USP12: variants seen among roughly 807,000 people sequenced by gnomAD.
USP12 encodes the protein ubiquitin carboxyl-terminal hydrolase 12.
USP12 carries 19 observed loss-of-function variants against 45.5 expected under a neutral mutation model. The ratio of observed to expected loss-of-function variants is 0.42; its 90% CI spans 0.29 to 0.61. The LOEUF is 0.61. Ranked by LOEUF, USP12 falls within the 20% of genes least tolerant of loss-of-function variation. USP12 has a pLI of 0.22. For missense variants in USP12, 242 were observed against 447.7 expected (o/e 0.54, Z 4.15); for synonymous variants, 149 against 148.8 (o/e 1.00, Z -0.01).
At chr13:27,104,141 C>G (rs941343333) in intron 3 of USP12, among the ~76,000 whole-genome samples, 3 of 152,082 alleles carry the variant, frequency 2.0e-5, no homozygotes, top group African/African-American at 7.2e-5. Flanking sequence ...AGCGATCCTG[C>G]CACCTTAGCC....
At chr13:27,120,579 G>A (rs546615120) in intron 1 of USP12, among the ~76,000 whole-genome samples, 7 of 150,464 alleles carry the variant, frequency 4.7e-5, no homozygotes, top group Admixed American at 4.0e-4. Flanking sequence ...TCAAGATTGC[G>A]CCACTGCACT....
In USP12 at chr13:27,066,385, CCTCCCAG is replaced by C. The variant is rs1450091665; in HGVS notation, c.*2891_*2897del. On this transcript the variant is annotated 3_prime_UTR_variant, in exon 9 of 9. Coordinates refer to ENST00000282344, the MANE Select transcript of USP12 (RefSeq NM_182488.4). ...AAGAGCCAGGACATGAGCGCTTTAG[CCTCCCAG>C]CTCCCAGCCAAATACCTCATGATAG... 6.6e-6 allele frequency: 1 copy of C among 152,158 alleles called. No individual in the cohort carries two copies. Among genetic ancestry groups the C allele is most frequent in the Non-Finnish European group, 1.5e-5 (1 of 68,060 alleles). The allele number at this position is 152,158 out of a possible 1,614,324, so 9.4% of individuals were successfully genotyped here.
chr13:27,148,598 C>T (rs1331252830), intron 1 of USP12, among the ~76,000 whole-genome samples: 4 of 149,040 alleles, frequency 2.7e-5, no homozygotes, highest in African/African-American at 9.9e-5. Context: ...TGCTTGAACC[C>T]GGGAGGCGGA....
At chr13:27,132,584 G>C (rs927785116) in intron 1 of USP12, among the ~76,000 whole-genome samples, 1 of 152,196 alleles carries the variant, frequency 6.6e-6, no homozygotes, top group African/African-American at 2.4e-5. Flanking sequence ...CTTTGTGAAT[G>C]AAAGATGGTT....
chr13:27,150,420 A>G (rs1467868058), intron 1 of USP12, among the ~76,000 whole-genome samples: 1 of 152,228 alleles, frequency 6.6e-6, no homozygotes, highest in Non-Finnish European at 1.5e-5. Context: ...AAACTACAAA[A>G]TATTACTAAA....
At chr13:27,162,980 G>C (rs1878177940) in intron 1 of USP12, 1 of 151,948 alleles carries the variant, frequency 6.6e-6, no homozygotes, top group African/African-American at 2.4e-5. Flanking sequence ...TTTTCCAATA[G>C]TGGTTGTTTA....
intron 2 of USP12, among the ~76,000 whole-genome samples, chr13:27,107,050 C>T (rs550340245): frequency 5.0e-4 from 76 of 152,120 alleles, no homozygotes; most frequent in Non-Finnish European, 9.6e-4. Context: ...ACTGGCCAGA[C>T]GCAGTGGCTC....
chr13:27,103,746 A>G (rs1874991579), intron 3 of USP12, among the ~76,000 whole-genome samples: 1 of 124,552 alleles, frequency 8.0e-6, no homozygotes, highest in Non-Finnish European at 1.8e-5. Context: ...CATCTCTACC[A>G]AAAAAAAAAA....
At chr13:27,095,018 G>A (rs563214367) in intron 4 of USP12, among the ~76,000 whole-genome samples, 1 of 152,194 alleles carries the variant, frequency 6.6e-6, no homozygotes, top group Non-Finnish European at 1.5e-5. Flanking sequence ...AGCTGGGTGT[G>A]GTGGCACGTG....
At chr13:27,106,467 TG>T (rs1875143004) in intron 2 of USP12, among the ~76,000 whole-genome samples, 1 of 152,158 alleles carries the variant, frequency 6.6e-6, no homozygotes, top group Non-Finnish European at 1.5e-5. Context: ...TTCATAAATA[TG>T]TATTGCCTTC....
intron 3 of USP12, among the ~76,000 whole-genome samples, chr13:27,102,067 AGAT>A (rs1474739535): frequency 1.3e-5 from 2 of 152,192 alleles, no homozygotes; most frequent in East Asian, 1.9e-4. Flanking sequence ...GAAACAACTA[AGAT>A]GATGACAGAA....
intron 1 of USP12, among the ~76,000 whole-genome samples, chr13:27,152,418 A>T (rs755736352): frequency 1.3e-5 from 2 of 152,226 alleles, no homozygotes; most frequent in Non-Finnish European, 2.9e-5. Flanking sequence ...AGTCCAAAGC[A>T]GATAATTATA....
intron 1 of USP12, among the ~76,000 whole-genome samples, chr13:27,146,951 A>C (rs546729849): frequency 6.6e-6 from 1 of 152,224 alleles, no homozygotes; most frequent in Non-Finnish European, 1.5e-5. Flanking sequence ...GTGAAGAGAC[A>C]CAGGGAAAAG....
At chr13:27,086,191 AAAAAAAAT>A (rs1565984595) in intron 6 of USP12, among the ~76,000 whole-genome samples, 1 of 72,582 alleles carries the variant, frequency 1.4e-5, no homozygotes, top group Admixed American at 1.8e-4. Flanking sequence ...AAAAAAAAAA[AAAAAAAAT>A]ATATATATAT....
At position 27,115,910 on chromosome 13, in the gene USP12, T is replaced by C. The variant is rs900480884; in HGVS notation, c.129+606A>G. 7.2e-5 allele frequency among the ~76,000 whole-genome samples: 11 copies of C among 152,186 alleles called. No homozygotes were observed. In the East Asian group the frequency reaches 2.1e-3, roughly 29 times the overall value. ...CATTCTCAAAGAATCAAGAGATCAC[T>C]TAGACTAGGCTATATATTAATACTA... On this transcript the variant is annotated intron_variant, in intron 2 of 8. Coordinates refer to ENST00000282344, the MANE Select transcript of USP12 (RefSeq NM_182488.4).
chr13:27,070,617 G>A (rs1305107790), intron 8 of USP12, among the ~76,000 whole-genome samples: 4 of 150,402 alleles, frequency 2.7e-5, no homozygotes, highest in South Asian at 2.1e-4. Flanking sequence ...GCAATGGCAC[G>A]ATCTCGGCTC....
At chr13:27,116,152 A>C (rs909677936) in intron 2 of USP12, among the ~76,000 whole-genome samples, 3 of 152,002 alleles carry the variant, frequency 2.0e-5, no homozygotes, top group African/African-American at 7.3e-5. Flanking sequence ...CTCTACTAAA[A>C]ATACAAAAAA....
At chr13:27,123,054 T>C (rs1339404823) in intron 1 of USP12, among the ~76,000 whole-genome samples, 3 of 150,440 alleles carry the variant, frequency 2.0e-5, no homozygotes, top group East Asian at 3.9e-4. Flanking sequence ...ATCGCACCAC[T>C]GCACTCCAGC....
intron 6 of USP12, among the ~76,000 whole-genome samples, chr13:27,082,881 G>C (rs554155332): frequency 9.8e-5 from 15 of 152,348 alleles, no homozygotes; most frequent in Admixed American, 2.6e-4. Flanking sequence ...TGTTGCCCAG[G>C]CTGGAGTGCA....
Sources: allele counts gnomAD v4.1 joint callset (sites outside exome capture counted in the v4.1 genomes callset), GRCh38; gene constraint gnomAD v4.1.1; transcripts MANE v1.5; gene names NCBI Gene and HGNC (gene_info 2026-07-23, HGNC 2026-07-21).